POC1A: variants seen among roughly 807,000 people sequenced by gnomAD.
POC1A encodes POC1 centriolar protein homolog A.
In POC1A, 34 loss-of-function variants were observed where a neutral mutation model predicts 47.8. The observed-to-expected ratio is 0.71, with a 90% CI of 0.54 to 0.95. POC1A has a LOEUF of 0.95. Among genes scored for constraint, POC1A ranks in the 40% least tolerant of loss-of-function variants. POC1A has a pLI of 0.00. For synonymous variants in POC1A, 177 were observed against 207.6 expected, an observed-to-expected ratio of 0.85 and a Z score of 1.27; for missense variants, 466 against 528.3, an observed-to-expected ratio of 0.88 and a Z score of 1.16.
At chr3:52,138,385 C>G (rs532941295) in intron 6 of POC1A, 83 bp from the exon 7 acceptor site, 25 of 1,434,420 alleles carry the variant, frequency 1.7e-5, no homozygotes, top group East Asian at 1.7e-4. Context: ...CAGGGCCAAT[C>G]GAGGCTCAGC....
chr3:52,094,388 G>C (rs1001316435), intron 10 of POC1A, among the ~76,000 whole-genome samples: 1 of 152,270 alleles, frequency 6.6e-6, no homozygotes, highest in Non-Finnish European at 1.5e-5. Context: ...AGCGGGGCCT[G>C]CTGTGGGCCT....
chr3:52,090,308 A>G lies in POC1A; in HGVS notation c.1125+6261T>C, dbSNP rs1225587446. Among the ~76,000 whole-genome samples, 1 of 152,256 alleles carries G rather than the reference A, an allele frequency of 6.6e-6. No homozygotes were observed. Among genetic ancestry groups the G allele is most frequent in the Non-Finnish European group, 1.5e-5 (1 of 68,044 alleles). On this transcript the variant is annotated intron_variant, in intron 10 of 10. Coordinates refer to ENST00000296484, the MANE Select transcript of POC1A (RefSeq NM_015426.5). This position sits in a 1 kb window ranked among gnomAD's most constrained non-coding sequence, Gnocchi z 4.2. ...AGGAATTTCATGGCTCGGTATTTTT[A>G]AAAAGCAGCAAGACGTGAAACTGGA...
chr3:52,130,249 C>T (rs1164786319), intron 7 of POC1A, among the ~76,000 whole-genome samples: 1 of 152,254 alleles, frequency 6.6e-6, no homozygotes, highest in African/African-American at 2.4e-5. Flanking sequence ...GAGTGGCCAT[C>T]ACACAGAGAA....
chr3:52,134,969 C>G (rs1188687952), intron 7 of POC1A, among the ~76,000 whole-genome samples: 1 of 152,188 alleles, frequency 6.6e-6, no homozygotes, highest in Non-Finnish European at 1.5e-5. Flanking sequence ...CAGGACCCCA[C>G]CACATCGCCA....
chr3:52,105,556 G>C (rs1316210604), intron 9 of POC1A, among the ~76,000 whole-genome samples: 1 of 152,168 alleles, frequency 6.6e-6, no homozygotes, highest in African/African-American at 2.4e-5. Flanking sequence ...AGGCACGGGC[G>C]TTTTCTCAAA....
rs377675220 is a variant in POC1A, at chr3:52,152,336, A to G, written c.19-1236T>C. 8.0e-3 allele frequency among the ~76,000 whole-genome samples: 1,211 copies of G among 152,272 alleles called. 7 individuals carry two copies. Among genetic ancestry groups the G allele is most frequent in the Non-Finnish European group, 0.013 (870 of 68,018 alleles). On this transcript the variant is annotated intron_variant, in intron 1 of 10. Coordinates refer to ENST00000296484, the MANE Select transcript of POC1A (RefSeq NM_015426.5). ...TGTAATCCCAGCACTTTAGGAGGCC[A>G]AGGCGGGCAGATTACCTGAGGTCAA...
chr3:52,149,755 G>A, intron 3 of POC1A, 61 bp downstream of exon 3: 1 of 1,513,834 alleles, frequency 6.6e-7, no homozygotes, highest in South Asian at 1.2e-5. Context: ...GACCTGGGTG[G>A]GGATGGCTCT....
intron 2 of POC1A, 54 bp downstream of exon 2, chr3:52,150,962 A>C (rs372479245): frequency 3.7e-4 from 580 of 1,567,444 alleles, no homozygotes; most frequent in Non-Finnish European, 4.9e-4. Flanking sequence ...CCGAGGTAAA[A>C]ACTTGGCCTG....
intron 10 of POC1A, 88 bp from the exon 11 acceptor site, chr3:52,076,073 C>T (rs41292354): frequency 0.062 from 59,364 of 951,186 alleles, 3,926 homozygotes; most frequent in East Asian, 0.23. Context: ...ACTTGGCTGC[C>T]TCAGCCACTG....
chr3:52,120,063 A>G (rs1703717836), intron 9 of POC1A, among the ~76,000 whole-genome samples: 1 of 152,176 alleles, frequency 6.6e-6, no homozygotes, highest in Admixed American at 6.5e-5. Context: ...GCGAGAGCAC[A>G]CTCATCAGCT....
At chr3:52,127,662 G>C (rs1244333846) in intron 7 of POC1A, among the ~76,000 whole-genome samples, 6 of 151,296 alleles carry the variant, frequency 4.0e-5, no homozygotes, top group Admixed American at 3.9e-4. Context: ...CAAAGTGCTG[G>C]GATTATAGAT....
chr3:52,152,258 G>C (rs1032690021), intron 1 of POC1A, among the ~76,000 whole-genome samples: 4 of 152,110 alleles, frequency 2.6e-5, no homozygotes, highest in South Asian at 2.1e-4. Flanking sequence ...CTGGGCAACA[G>C]AGCAAGACCC....
At chr3:52,096,533 T>C (rs900502098) in intron 10 of POC1A, 36 bp downstream of exon 10, 2 of 1,502,164 alleles carry the variant, frequency 1.3e-6, no homozygotes, top group East Asian at 2.4e-5. Context: ...CAAGTGCAGA[T>C]GACGGGATGA....
intron 8 of POC1A, among the ~76,000 whole-genome samples, chr3:52,123,483 C>T (rs1215193717): frequency 6.6e-6 from 1 of 152,184 alleles, no homozygotes; most frequent in Admixed American, 6.5e-5. Flanking sequence ...GACACCATCC[C>T]TGTCTGTCAG....
intron 7 of POC1A, among the ~76,000 whole-genome samples, chr3:52,132,936 C>A (rs1039017629): frequency 6.6e-6 from 1 of 151,910 alleles, no homozygotes; most frequent in Admixed American, 6.6e-5. Flanking sequence ...ATCCCAACTA[C>A]TCGGGAGGCT....
chr3:52,115,168 T>TG (rs1020083454), intron 9 of POC1A, among the ~76,000 whole-genome samples: 2 of 151,562 alleles, frequency 1.3e-5, no homozygotes, highest in African/African-American at 4.9e-5. Context: ...TTTTAAGAGA[T>TG]GGGGGTCTCA....
At chr3:52,146,050 T>C in intron 5 of POC1A, 89 bp from the exon 6 acceptor site, 4 of 747,558 alleles carry the variant, frequency 5.4e-6, no homozygotes, top group Non-Finnish European at 9.4e-6. Flanking sequence ...CCCATCCCTG[T>C]GTCCTGCCCA....
chr3:52,092,135 A>G lies in POC1A; in HGVS notation c.1125+4434T>C, dbSNP rs182328644. Among the ~76,000 whole-genome samples the G allele has an allele frequency of 3.3e-4, 50 of 152,294 alleles. No individual in the cohort carries two copies. The Middle Eastern group carries it at 0.01, about 31-fold the overall frequency. On this transcript the variant is annotated intron_variant, in intron 10 of 10. Transcript: ENST00000296484. ...GAGAAGCTTAGCGAAGAAACCAGTG[A>G]TGCCCCAAACAGCAAGCTCAGTGTT...
chr3:52,109,852 T>C (rs1429967023), intron 9 of POC1A, among the ~76,000 whole-genome samples: 2 of 152,190 alleles, frequency 1.3e-5, no homozygotes, highest in Non-Finnish European at 2.9e-5. Context: ...TTACACCACA[T>C]GGCAATGCTG....
Sources: gnomAD v4.1 joint callset for allele counts (sites outside exome capture counted in the v4.1 genomes callset) on GRCh38, gnomAD v4.1.1 for gene constraint, Gnocchi (gnomAD v3.1) non-coding constraint, MANE v1.5 for transcripts, NCBI Gene and HGNC (gene_info 2026-07-23, HGNC 2026-07-21) for gene names.